The following NELL1 variants were observed in gnomAD, a reference collection of about 807,000 sequenced individuals.
NELL1 encodes the protein protein kinase C-binding protein NELL1.
Under a neutral mutation model 107.4 loss-of-function variants are expected in NELL1, and 76 were observed. The ratio of observed to expected loss-of-function variants is 0.71; its 90% CI spans 0.59 to 0.86. The LOEUF (loss-of-function observed/expected upper bound fraction) is 0.86, where lower values mean the gene tolerates loss of function less well. NELL1 is among the 40% of genes least tolerant of loss of function. The pLI is 0.00. For missense variants in NELL1, 1,024 were observed against 1,005.5 expected (o/e 1.02, Z -0.25); for synonymous variants, 353 against 341.2 (o/e 1.03, Z -0.38).
chr11:21,120,109 G>A (rs2133740013), intron 13 of NELL1, among the ~76,000 whole-genome samples: 1 of 152,150 alleles, frequency 6.6e-6, no homozygotes, highest in Admixed American at 6.5e-5. Flanking sequence ...TGGCATGGAA[G>A]AAACCTTAAA....
chr11:21,108,844 A>G (rs149598547), intron 12 of NELL1, among the ~76,000 whole-genome samples: 1 of 152,268 alleles, frequency 6.6e-6, no homozygotes, highest in East Asian at 1.9e-4. Context: ...GTAATGCCAG[A>G]ACAAATTCAT....
In NELL1 at chr11:20,675,056, G is replaced by C. The variant is rs558957072; in HGVS notation, c.56-2876G>C. On this transcript the variant is annotated intron_variant, in intron 1 of 19. Coordinates refer to ENST00000357134, the MANE Select transcript of NELL1 (RefSeq NM_006157.5). Reference sequence around the variant, plus strand: ...GCTTGGTTTCAAACTCAGGTAGGCTGCCCGCTCCACATGTCTAGGTCTCCT... The same window carrying C: ...GCTTGGTTTCAAACTCAGGTAGGCTCCCCGCTCCACATGTCTAGGTCTCCT... 4.6e-5 allele frequency among the ~76,000 whole-genome samples: 7 copies of C among 152,288 alleles called. No individual in the cohort carries two copies. The East Asian group carries it at 1.4e-3, about 29-fold the overall frequency.
At chr11:21,101,571 G>T (rs1459459931) in intron 12 of NELL1, among the ~76,000 whole-genome samples, 1 of 151,984 alleles carries the variant, frequency 6.6e-6, no homozygotes, top group Non-Finnish European at 1.5e-5. Context: ...GTTTTGATTT[G>T]CATTTCTCTG....
In NELL1 at chr11:21,440,002, A is replaced by G. The variant is rs200663988; in HGVS notation, c.1645+69054A>G. Among the ~76,000 whole-genome samples, 293 of 152,290 alleles carry G rather than the reference A, an allele frequency of 1.9e-3. 1 individual carries two copies. Among genetic ancestry groups the G allele is most frequent in the African/African-American group, 6.6e-3 (276 of 41,572 alleles). On this transcript the variant is annotated intron_variant, in intron 15 of 19. Transcript: ENST00000357134. ...GCCTTTTGGGAGCTTTTATTCTACC[A>G]AGGAAAGGCATGACTAAAATAAAGG...
rs118107792 is a variant in NELL1, at chr11:21,543,016, G to A, written c.1786+8502G>A. 1.6e-3 allele frequency among the ~76,000 whole-genome samples: 243 copies of A among 151,994 alleles called. 4 individuals are homozygous for A. The East Asian group carries it at 0.045, about 28-fold the overall frequency. On this transcript the variant is annotated intron_variant, in intron 16 of 19. Transcript: ENST00000357134. Reference sequence around the variant, plus strand: ...CAAGTGTGCTGTTTTTTCTATTCCAGGGAAGAGACATGTCAGGGTGGAAAA... The same window carrying A: ...CAAGTGTGCTGTTTTTTCTATTCCAAGGAAGAGACATGTCAGGGTGGAAAA...
chr11:21,176,753 A>G (rs1856721606), intron 13 of NELL1, among the ~76,000 whole-genome samples: 2 of 151,646 alleles, frequency 1.3e-5, no homozygotes, highest in African/African-American at 4.9e-5. Flanking sequence ...GTTGTCATCA[A>G]TCAAAGTTTA....
intron 9 of NELL1, 90 bp downstream of exon 9, chr11:20,928,569 A>G (rs780570366): frequency 2.0e-6 from 2 of 988,986 alleles, no homozygotes; most frequent in South Asian, 1.4e-5. Context: ...ACTGATTGAC[A>G]TTGATGAAAT....
chr11:21,453,267 T>C (rs1224484153), intron 15 of NELL1, among the ~76,000 whole-genome samples: 1 of 152,146 alleles, frequency 6.6e-6, no homozygotes, highest in Non-Finnish European at 1.5e-5. Flanking sequence ...TTATCAGTTA[T>C]TGCTTCACAT....
chr11:21,036,424 A>C (rs1360256313), intron 12 of NELL1, among the ~76,000 whole-genome samples: 1 of 152,216 alleles, frequency 6.6e-6, no homozygotes, highest in Non-Finnish European at 1.5e-5. Flanking sequence ...CAAATAGCCA[A>C]GGCAATCCTA....
chr11:21,169,800 TG>T, intron 13 of NELL1: 1 of 1,369,434 alleles, frequency 7.3e-7, no homozygotes. Context: ...ACCCGGAGAG[TG>T]GGACAGAATC....
At chr11:21,347,154 G>A (rs1850700498) in intron 14 of NELL1, among the ~76,000 whole-genome samples, 1 of 152,176 alleles carries the variant, frequency 6.6e-6, no homozygotes, top group South Asian at 2.1e-4. Context: ...CCTAGGTCAT[G>A]CAAGGCATTT....
intron 13 of NELL1, among the ~76,000 whole-genome samples, chr11:21,161,774 A>G (rs1313801379): frequency 6.6e-6 from 1 of 151,944 alleles, no homozygotes; most frequent in Non-Finnish European, 1.5e-5. Context: ...TTGAGATATT[A>G]TATAATTTTT....
At chr11:21,082,477 T>G (rs1854291985) in intron 12 of NELL1, among the ~76,000 whole-genome samples, 1 of 152,146 alleles carries the variant, frequency 6.6e-6, no homozygotes, top group Non-Finnish European at 1.5e-5. Flanking sequence ...CCCATGACGA[T>G]CTGCATAAAA....
At chr11:21,481,645 A>G (rs1854495756) in intron 15 of NELL1, among the ~76,000 whole-genome samples, 1 of 152,204 alleles carries the variant, frequency 6.6e-6, no homozygotes, top group South Asian at 2.1e-4. Context: ...TGTCAGAGAC[A>G]GCATCTGGAT....
At chr11:21,460,668 C>T (rs1328797211) in intron 15 of NELL1, among the ~76,000 whole-genome samples, 3 of 152,020 alleles carry the variant, frequency 2.0e-5, no homozygotes, top group Non-Finnish European at 4.4e-5. Context: ...ATTCTTAGCC[C>T]TCCATGGTGT....
At chr11:21,023,636 G>A (rs1186602933) in intron 12 of NELL1, among the ~76,000 whole-genome samples, 1 of 151,946 alleles carries the variant, frequency 6.6e-6, no homozygotes, top group Non-Finnish European at 1.5e-5. Flanking sequence ...TCCCTACCTA[G>A]AAAACAACTT....
chr11:20,690,383 C>A (rs1433668484), intron 2 of NELL1, among the ~76,000 whole-genome samples: 3 of 152,188 alleles, frequency 2.0e-5, no homozygotes, highest in Non-Finnish European at 2.9e-5. Flanking sequence ...ATGGTGATGC[C>A]TGGGTTTTCT....
chr11:21,279,709 C>T (rs1848948896), intron 14 of NELL1, among the ~76,000 whole-genome samples: 1 of 152,172 alleles, frequency 6.6e-6, no homozygotes, highest in Admixed American at 6.5e-5. Flanking sequence ...AGCAATTGTG[C>T]TTCTTGGTAT....
At chr11:20,724,533 T>C (rs1286966371) in intron 2 of NELL1, among the ~76,000 whole-genome samples, 16 of 152,206 alleles carry the variant, frequency 1.1e-4, no homozygotes, top group Non-Finnish European at 8.8e-5. Flanking sequence ...GCCACCAGTC[T>C]CTTTGCTAAA....
Sources: gnomAD v4.1 joint callset for allele counts (sites outside exome capture counted in the v4.1 genomes callset) on GRCh38, gnomAD v4.1.1 for gene constraint, MANE v1.5 for transcripts, NCBI Gene and HGNC (gene_info 2026-07-23, HGNC 2026-07-21) for gene names.